SGCZ: variants seen among roughly 807,000 people sequenced by gnomAD.
SGCZ encodes sarcoglycan zeta, also known as zeta-sarcoglycan.
SGCZ carries 40 observed loss-of-function variants against 41.3 expected under a neutral mutation model. The ratio of observed to expected loss-of-function variants is 0.97; its 90% CI spans 0.75 to 1.26. The LOEUF (loss-of-function observed/expected upper bound fraction) is 1.26. Ranked by LOEUF, SGCZ falls within the 50% of genes most tolerant of loss-of-function variation. The pLI, the probability that SGCZ is intolerant of heterozygous loss-of-function variation, is 0.00. For synonymous variants in SGCZ, 206 were observed against 137.5 expected (o/e 1.50, Z -3.49); for missense variants, 552 against 369.8 (o/e 1.49, Z -4.04).
rs368724307 is a variant in SGCZ, at chr8:14,966,363, C to A, written c.39+271222G>T. On this transcript the variant is annotated intron_variant, in intron 1 of 7. Coordinates refer to ENST00000382080, the MANE Select transcript of SGCZ (RefSeq NM_139167.4). ...TGTATATTATTATTTTATTTTATAA[C>A]CAAGAAAAAATTTATTCATATTGTC... 2.0e-5 allele frequency among the ~76,000 whole-genome samples: 3 copies of A among 151,164 alleles called. No individual in the cohort carries two copies. In the South Asian group the frequency reaches 6.3e-4, roughly 32 times the overall value.
intron 2 of SGCZ, among the ~76,000 whole-genome samples, chr8:14,462,060 C>A (rs11985975): frequency 0.035 from 5,396 of 152,046 alleles, 295 homozygotes; most frequent in African/African-American, 0.12. Flanking sequence ...GGCAGCCATA[C>A]TTTTATTATC....
intron 1 of SGCZ, among the ~76,000 whole-genome samples, chr8:15,047,648 T>C (rs1232793189): frequency 6.6e-6 from 1 of 152,078 alleles, no homozygotes; most frequent in Non-Finnish European, 1.5e-5. Context: ...TAATCTATGC[T>C]AGTCTGTTTA....
chr8:14,570,056 G>C (rs529787692), intron 1 of SGCZ, among the ~76,000 whole-genome samples: 1 of 151,666 alleles, frequency 6.6e-6, no homozygotes, highest in African/African-American at 2.4e-5. Context: ...CTTTTTGGAA[G>C]TATTTATCTC....
chr8:14,827,814 G>A (rs563214094), intron 1 of SGCZ, among the ~76,000 whole-genome samples: 11 of 151,828 alleles, frequency 7.2e-5, no homozygotes, highest in African/African-American at 2.2e-4. Context: ...ATGCACACAC[G>A]GATACACATA....
intron 1 of SGCZ, among the ~76,000 whole-genome samples, chr8:15,066,237 A>T (rs1265056971): frequency 6.6e-6 from 1 of 150,670 alleles, no homozygotes; most frequent in Non-Finnish European, 1.5e-5. Context: ...GAACCCGGGA[A>T]GCGGAGCTTG....
At chr8:14,448,243 G>A (rs1183145603) in intron 2 of SGCZ, among the ~76,000 whole-genome samples, 5 of 152,142 alleles carry the variant, frequency 3.3e-5, no homozygotes, top group African/African-American at 7.2e-5. Flanking sequence ...CAGCTTGTAC[G>A]TGGCCACTGG....
At chr8:14,787,327 G>A (rs2130456207) in intron 1 of SGCZ, among the ~76,000 whole-genome samples, 1 of 152,124 alleles carries the variant, frequency 6.6e-6, no homozygotes, top group Admixed American at 6.5e-5. Context: ...TATATGGGAG[G>A]CTAGCGGGAA....
At chr8:14,742,068 T>C (rs1799212078) in intron 1 of SGCZ, among the ~76,000 whole-genome samples, 2 of 152,042 alleles carry the variant, frequency 1.3e-5, no homozygotes, top group Non-Finnish European at 2.9e-5. Context: ...TGGAGTATAG[T>C]ACTGATTTAG....
intron 7 of SGCZ, among the ~76,000 whole-genome samples, chr8:14,099,464 C>T (rs1016202730): frequency 1.3e-5 from 2 of 152,136 alleles, no homozygotes; most frequent in African/African-American, 2.4e-5. Context: ...CGGTGGCTCA[C>T]GCCTGTAATC....
At chr8:14,737,292 A>G (rs1799067126) in intron 1 of SGCZ, among the ~76,000 whole-genome samples, 1 of 151,836 alleles carries the variant, frequency 6.6e-6, no homozygotes, top group Non-Finnish European at 1.5e-5. Flanking sequence ...AATTTTATAA[A>G]GTTATTCTTA....
chr8:15,054,663 T>G (rs969849149), intron 1 of SGCZ, among the ~76,000 whole-genome samples: 4 of 152,020 alleles, frequency 2.6e-5, no homozygotes, highest in African/African-American at 9.7e-5. Context: ...TCTTTAAGAC[T>G]CAATTTTGTA....
At chr8:14,431,317 G>C (rs540103320) in intron 2 of SGCZ, among the ~76,000 whole-genome samples, 46 of 152,284 alleles carry the variant, frequency 3.0e-4, no homozygotes, top group Non-Finnish European at 6.2e-4. Context: ...CACCCGAATA[G>C]CATGGTACCA....
chr8:14,400,226 A>G (rs1383361504), intron 2 of SGCZ, among the ~76,000 whole-genome samples: 1 of 152,088 alleles, frequency 6.6e-6, no homozygotes, highest in Non-Finnish European at 1.5e-5. Context: ...ATAATATTTC[A>G]TTATTTATAT....
intron 1 of SGCZ, among the ~76,000 whole-genome samples, chr8:14,630,607 G>C (rs373616643): frequency 3.0e-4 from 45 of 152,100 alleles, no homozygotes; most frequent in African/African-American, 1.1e-3. Flanking sequence ...CAATAGCAAA[G>C]ACTTGGAACC....
At chr8:14,247,494 G>A (rs1799143765) in intron 3 of SGCZ, among the ~76,000 whole-genome samples, 1 of 152,166 alleles carries the variant, frequency 6.6e-6, no homozygotes, top group African/African-American at 2.4e-5. Context: ...AGCCATGGGT[G>A]GGCTTAGGAA....
intron 1 of SGCZ, among the ~76,000 whole-genome samples, chr8:14,595,549 T>A (rs1202955027): frequency 6.6e-6 from 1 of 152,118 alleles, no homozygotes; most frequent in African/African-American, 2.4e-5. Flanking sequence ...GTTCCGTGGC[T>A]GCTGTCAGAT....
intron 3 of SGCZ, among the ~76,000 whole-genome samples, chr8:14,253,272 GTA>G (rs1491485742): frequency 6.7e-6 from 1 of 148,210 alleles, no homozygotes; most frequent in Non-Finnish European, 1.5e-5. Flanking sequence ...GTGTGTGTGT[GTA>G]TCAGTCAGGA....
intron 4 of SGCZ, among the ~76,000 whole-genome samples, chr8:14,171,494 T>C (rs1804380284): frequency 6.6e-6 from 1 of 152,038 alleles, no homozygotes; most frequent in Non-Finnish European, 1.5e-5. Context: ...CTAGTACCAA[T>C]TCAGTACAAG....
chr8:14,551,273 G>T (rs1484710511), intron 2 of SGCZ, among the ~76,000 whole-genome samples: 1 of 143,856 alleles, frequency 7.0e-6, no homozygotes, highest in Non-Finnish European at 1.5e-5. Context: ...GTTGACGCTA[G>T]AAAAGAATAC....
Sources: gnomAD v4.1 joint callset for allele counts (sites outside exome capture counted in the v4.1 genomes callset) on GRCh38, gnomAD v4.1.1 for gene constraint, MANE v1.5 for transcripts, NCBI Gene and HGNC (gene_info 2026-07-23, HGNC 2026-07-21) for gene names.